The following KRCC1 variants were observed in gnomAD, a reference collection of about 807,000 sequenced individuals.
The protein encoded by KRCC1 is lysine rich coiled-coil 1.
KRCC1 carries 3 observed loss-of-function variants against 7.4 expected under a neutral mutation model. The observed-to-expected ratio is 0.40, with a 90% confidence interval of 0.18 to 1.04. The LOEUF is 1.04. KRCC1 is among the 50% of genes least tolerant of loss of function. The probability of loss-of-function intolerance (pLI) is 0.33; values close to 1 mark genes in which losing one functional copy is unlikely to be tolerated. For missense variants in KRCC1, 277 were observed against 300.9 expected (o/e 0.92, Z 0.59); for synonymous variants, 102 against 101.6 (o/e 1.00, Z -0.02).
In KRCC1 at chr2:88,027,896, C is replaced by T. The variant is rs374148869; in HGVS notation, c.668G>A (p.Arg223Gln). ...KLKNRKEKKSRDVVSKKEERK... is the reference protein window; with the variant it reads ...KLKNRKEKKSQDVVSKKEERK... ...TTCCTCTTTCTTAGAGACTACATCT[C>T]GGCTTTTTTTCTCCTTTCGATTCTT... Residue 223 changes from arginine to glutamine, a missense_variant, in exon 4 of 4, where the codon CGA (arginine) becomes CAA (glutamine). Arg to Gln is a conservative substitution (Grantham distance 43). Coordinates refer to ENST00000347055, the MANE Select transcript of KRCC1 (RefSeq NM_016618.3). The T allele has an allele frequency of 8.1e-6, 13 of 1,613,916 alleles. No individual in the cohort carries two copies. The highest frequency in any genetic ancestry group is 6.7e-5 in the East Asian group (3 of 44,896).
In KRCC1 at chr2:88,047,686, G is replaced by A. The variant is rs547769608; in HGVS notation, c.-291+7940C>T. On this transcript the variant is annotated intron_variant, in intron 1 of 3. Coordinates refer to ENST00000347055, the MANE Select transcript of KRCC1 (RefSeq NM_016618.3). ...TGGGACTACAGGCACACACCACCACGCCTGGCTAATTGTTTGTATTTTTAG... is the reference window on the plus strand; with the variant it reads ...TGGGACTACAGGCACACACCACCACACCTGGCTAATTGTTTGTATTTTTAG... Among the ~76,000 whole-genome samples, 9 of 151,948 alleles carry A rather than the reference G, an allele frequency of 5.9e-5. No individual in the cohort carries two copies. The South Asian group carries it at 1.0e-3, about 18-fold the overall frequency.
At chr2:88,048,301 C>G (rs2104625020) in intron 1 of KRCC1, among the ~76,000 whole-genome samples, 1 of 152,160 alleles carries the variant, frequency 6.6e-6, no homozygotes, top group East Asian at 1.9e-4. Context: ...AAGCTGGTCT[C>G]TAACTCCTGA....
intron 3 of KRCC1, among the ~76,000 whole-genome samples, chr2:88,032,369 G>T (rs549426779): frequency 6.7e-4 from 102 of 152,026 alleles, no homozygotes; most frequent in Admixed American, 1.8e-3. Context: ...GTTTAGATAG[G>T]TTTAGATACA....
chr2:88,048,463 T>C (rs956328823), intron 1 of KRCC1, among the ~76,000 whole-genome samples: 1 of 152,202 alleles, frequency 6.6e-6, no homozygotes, highest in African/African-American at 2.4e-5. Context: ...GATATAACAG[T>C]AAATAGTATT....
intron 1 of KRCC1, among the ~76,000 whole-genome samples, chr2:88,039,890 C>T (rs1207478956): frequency 6.6e-6 from 1 of 151,344 alleles, no homozygotes; most frequent in Non-Finnish European, 1.5e-5. Flanking sequence ...CTTGGTTTGG[C>T]GTAGTGCTTC....
At chr2:88,050,064 G>T (rs1673437565) in intron 1 of KRCC1, among the ~76,000 whole-genome samples, 1 of 152,054 alleles carries the variant, frequency 6.6e-6, no homozygotes, top group Admixed American at 6.5e-5. Flanking sequence ...TCTTTAAAAG[G>T]GCTGGCCTAA....
intron 3 of KRCC1, among the ~76,000 whole-genome samples, chr2:88,033,703 AG>A (rs1269964843): frequency 6.6e-6 from 1 of 152,258 alleles, no homozygotes; most frequent in African/African-American, 2.4e-5. Context: ...AAAAGATACT[AG>A]TAAGTGTTAG....
At chr2:88,033,118 T>C (rs936254725) in intron 3 of KRCC1, among the ~76,000 whole-genome samples, 14 of 152,310 alleles carry the variant, frequency 9.2e-5, no homozygotes, top group Non-Finnish European at 1.9e-4. Context: ...ATTATCTTGA[T>C]TGTGGTGATC....
chr2:88,028,684 C>T, intron 3 of KRCC1, 99 bp from the exon 4 acceptor site: 1 of 711,752 alleles, frequency 1.4e-6, no homozygotes, highest in African/African-American at 1.8e-5. Context: ...GCGTCTCGCC[C>T]TGTCGCCCAG....
Position 88,028,097 on chromosome 2 carries a change from ATC to A in KRCC1, c.465_466del (p.Gln155HisfsTer22). ...TGGGTGCCTTTTCCTCTTCTGATGTATCTGTTTGTGACTGGCTTGATGAGTAC... is the reference window on the plus strand; with the variant it reads ...TGGGTGCCTTTTCCTCTTCTGATGTATGTTTGTGACTGGCTTGATGAGTAC... On this transcript the variant is annotated frameshift_variant, in exon 4 of 4. Transcript: ENST00000347055. LOFTEE classifies it low-confidence loss of function (END_TRUNC). 6.2e-7 allele frequency: 1 copy of A among 1,613,732 alleles called. No individual in the cohort carries two copies. The highest frequency in any genetic ancestry group is 8.5e-7 in the Non-Finnish European group (1 of 1,179,972).
intron 1 of KRCC1, among the ~76,000 whole-genome samples, chr2:88,048,826 A>C (rs1289050702): frequency 6.6e-6 from 1 of 152,230 alleles, no homozygotes; most frequent in African/African-American, 2.4e-5. Context: ...GCACAGCACT[A>C]AATTTTGGGA....
chr2:88,043,623 C>T (rs1673262509), intron 1 of KRCC1, among the ~76,000 whole-genome samples: 1 of 152,220 alleles, frequency 6.6e-6, no homozygotes, highest in Non-Finnish European at 1.5e-5. Context: ...AACACTTTTA[C>T]AGCATCGCCC....
intron 1 of KRCC1, among the ~76,000 whole-genome samples, chr2:88,055,240 T>C (rs540148492): frequency 9.2e-5 from 14 of 152,216 alleles, no homozygotes; most frequent in African/African-American, 3.1e-4. Flanking sequence ...GGAAGCTTAC[T>C]CTCTTCCACG....
At chr2:88,031,805 A>G (rs1348474707) in intron 3 of KRCC1, among the ~76,000 whole-genome samples, 1 of 152,060 alleles carries the variant, frequency 6.6e-6, no homozygotes, top group African/African-American at 2.4e-5. Context: ...AAATTACAGT[A>G]AGCTAGGGTT....
intron 1 of KRCC1, among the ~76,000 whole-genome samples, 153 bp downstream of exon 1, chr2:88,055,473 G>A (rs984760612): frequency 1.3e-5 from 2 of 151,954 alleles, no homozygotes; most frequent in South Asian, 2.1e-4. Context: ...GCGGCGGCCG[G>A]TGAGGGGTGC....
intron 1 of KRCC1, among the ~76,000 whole-genome samples, chr2:88,043,721 G>T (rs1486606729): frequency 1.3e-5 from 2 of 152,198 alleles, no homozygotes; most frequent in African/African-American, 4.8e-5. Flanking sequence ...CTAGGCTGGA[G>T]TGCAATGGCA....
chr2:88,042,096 T>C (rs1673223988), intron 1 of KRCC1, among the ~76,000 whole-genome samples: 1 of 150,218 alleles, frequency 6.7e-6, no homozygotes, highest in Non-Finnish European at 1.5e-5. Context: ...AGTCTCCCTC[T>C]GTCCCCCAGA....
At chr2:88,054,735 T>A (rs966291359) in intron 1 of KRCC1, among the ~76,000 whole-genome samples, 12 of 152,192 alleles carry the variant, frequency 7.9e-5, no homozygotes, top group African/African-American at 2.9e-4. Context: ...TTCCCCTCTG[T>A]CAGGAGTTGC....
At chr2:88,050,927 T>C (rs1673467272) in intron 1 of KRCC1, among the ~76,000 whole-genome samples, 1 of 29,368 alleles carries the variant, frequency 3.4e-5, no homozygotes, top group African/African-American at 6.1e-5. Flanking sequence ...TTACTTGCTT[T>C]TTTTTTTTTT....
Sources: allele counts gnomAD v4.1 joint callset (sites outside exome capture counted in the v4.1 genomes callset), GRCh38; gene constraint gnomAD v4.1.1; transcripts MANE v1.5; gene names NCBI Gene and HGNC (gene_info 2026-07-23, HGNC 2026-07-21).